Variants in PLEKHG1 observed in about 807,000 individuals in gnomAD.
PLEKHG1 encodes pleckstrin homology and RhoGEF domain containing G1, also known as pleckstrin homology domain-containing family G member 1.
Under a neutral mutation model 100.8 loss-of-function variants are expected in PLEKHG1, and 44 were observed. The ratio of observed to expected loss-of-function variants is 0.44; its 90% confidence interval spans 0.34 to 0.56. PLEKHG1 has a LOEUF of 0.56. Ranked by LOEUF, PLEKHG1 falls within the 20% of genes least tolerant of loss-of-function variation. The probability of loss-of-function intolerance (pLI) is 0.01; values close to 1 mark genes in which losing one functional copy is unlikely to be tolerated. For synonymous variants in PLEKHG1, 640 were observed against 662.5 expected (o/e 0.97, Z 0.52); for missense variants, 1,545 against 1,720.9 (o/e 0.90, Z 1.81).
intron 3 of PLEKHG1, among the ~76,000 whole-genome samples, chr6:150,652,504 C>G (rs1053430212): frequency 6.6e-6 from 1 of 151,888 alleles, no homozygotes; most frequent in East Asian, 1.9e-4. Context: ...GGGTGGATCA[C>G]GAGGTCAGGA....
At chr6:150,677,305 C>G (rs546267992) in intron 3 of PLEKHG1, among the ~76,000 whole-genome samples, 4 of 144,110 alleles carry the variant, frequency 2.8e-5, no homozygotes, top group Non-Finnish European at 6.0e-5. Flanking sequence ...CACACACACG[C>G]GCGCGCGCAC....
intron 6 of PLEKHG1, 55 bp downstream of exon 7, chr6:150,800,924 A>G (rs1443165108): frequency 8.8e-6 from 13 of 1,478,878 alleles, no homozygotes; most frequent in African/African-American, 1.4e-5. Context: ...TTGTGTGTAT[A>G]TATTAAGTTT....
intron 2 of PLEKHG1, among the ~76,000 whole-genome samples, chr6:150,766,651 T>A (rs1188491941): frequency 6.6e-6 from 1 of 152,228 alleles, no homozygotes; most frequent in Non-Finnish European, 1.5e-5. Flanking sequence ...TTCTCTGCCA[T>A]GGACTCTGAG....
At chr6:150,768,589 C>G (rs765292091) in intron 2 of PLEKHG1, 49 bp from the exon 4 acceptor site, 2 of 973,738 alleles carry the variant, frequency 2.1e-6, no homozygotes, top group Non-Finnish European at 3.3e-6. Flanking sequence ...TTAAAGATGA[C>G]TTGGAAAGGA....
chr6:150,622,057 G>A (rs1039062240), intron 1 of PLEKHG1, among the ~76,000 whole-genome samples: 2 of 152,028 alleles, frequency 1.3e-5, no homozygotes, highest in Non-Finnish European at 1.5e-5. Context: ...TTCCTCCTCC[G>A]AGAGCTCTGT....
At chr6:150,625,159 A>AT (rs1777459438) in intron 1 of PLEKHG1, among the ~76,000 whole-genome samples, 1 of 151,942 alleles carries the variant, frequency 6.6e-6, no homozygotes, top group Middle Eastern at 3.4e-3. Context: ...AAAAAAATGG[A>AT]TTTTTTAAAA....
chr6:150,800,903 G>C, intron 6 of PLEKHG1, 34 bp downstream of exon 7: 1 of 1,589,854 alleles, frequency 6.3e-7, no homozygotes, highest in Non-Finnish European at 8.6e-7. Context: ...ACTTTCCAGG[G>C]GATGGGAGTT....
intron 2 of PLEKHG1, among the ~76,000 whole-genome samples, chr6:150,748,501 A>G (rs1225390099): frequency 1.3e-5 from 2 of 151,954 alleles, no homozygotes; most frequent in Admixed American, 1.3e-4. Flanking sequence ...ATATTTGCTG[A>G]GTAAATTTTC....
At chr6:150,699,360 C>T (rs1183744407) in intron 3 of PLEKHG1, among the ~76,000 whole-genome samples, 1 of 152,224 alleles carries the variant, frequency 6.6e-6, no homozygotes, top group African/African-American at 2.4e-5. Flanking sequence ...TAAGTGACTG[C>T]CAAGCATTAA....
intron 3 of PLEKHG1, among the ~76,000 whole-genome samples, chr6:150,659,578 TG>T: frequency 1.3e-5 from 2 of 152,236 alleles, no homozygotes; most frequent in Non-Finnish European, 2.9e-5. Flanking sequence ...CTTGGCAGAC[TG>T]TCAAATGGAG....
chr6:150,666,069 G>A (rs1232142731), intron 3 of PLEKHG1, among the ~76,000 whole-genome samples: 1 of 152,116 alleles, frequency 6.6e-6, no homozygotes, highest in Non-Finnish European at 1.5e-5. Context: ...ACAATTTCCT[G>A]TTAAAAAACA....
chr6:150,630,497 GC>G (rs1478399401), intron 1 of PLEKHG1, among the ~76,000 whole-genome samples: 2 of 152,138 alleles, frequency 1.3e-5, no homozygotes, highest in Non-Finnish European at 1.5e-5. Context: ...AAGGGATGAA[GC>G]CAAGGATATT....
chr6:150,699,613 G>C (rs1464880163), intron 3 of PLEKHG1, among the ~76,000 whole-genome samples: 6 of 152,190 alleles, frequency 3.9e-5, no homozygotes, highest in Admixed American at 3.3e-4. Flanking sequence ...GATGTTCTAT[G>C]AGCCCTTAGT....
chr6:150,704,339 G>GTT (rs1780919797), intron 3 of PLEKHG1, among the ~76,000 whole-genome samples: 3 of 152,200 alleles, frequency 2.0e-5, no homozygotes, highest in Non-Finnish European at 4.4e-5. Context: ...AGCCCCCTCT[G>GTT]AACTCAGAGA....
chr6:150,733,708 C>T (rs761783554), exon 2 of PLEKHG1: 5 of 1,614,052 alleles, frequency 3.1e-6, no homozygotes, highest in African/African-American at 2.7e-5. Flanking sequence ...GTGACCGACC[C>T]GTCAGCTTCG....
At chr6:150,659,212 G>C (rs1227112117) in intron 3 of PLEKHG1, among the ~76,000 whole-genome samples, 2 of 152,192 alleles carry the variant, frequency 1.3e-5, no homozygotes, top group African/African-American at 4.8e-5. Context: ...TCTACTCAAA[G>C]TGCTGAGTTA....
At chr6:150,735,127 T>C (rs4869941) in intron 2 of PLEKHG1, among the ~76,000 whole-genome samples, 99,361 of 151,622 alleles carry the variant, frequency 0.66, 33,633 homozygotes, top group Non-Finnish European at 0.74. Context: ...GCTGGAATTA[T>C]AGGCATGCTC....
rs937915450 is a variant in PLEKHG1 at position 150,828,155 on chromosome 6, C to G, written c.1471-2427C>G. On this transcript the variant is annotated intron_variant, in intron 14 of 15. Transcript: ENST00000358517. ...CCAATTATACTGATAGGAATCTGCC[C>G]ACGATATTTGTTTACCTGGAAGGAG... The G allele has an allele frequency of 6.2e-6, 10 of 1,613,554 alleles. No homozygotes were observed. In the African/African-American group the frequency reaches 1.3e-4, roughly 22 times the overall value.
intron 2 of PLEKHG1, among the ~76,000 whole-genome samples, chr6:150,643,083 CAG>C (rs544749032): frequency 6.6e-6 from 1 of 152,162 alleles, no homozygotes; most frequent in South Asian, 2.1e-4. Context: ...GTATGAAAAA[CAG>C]AGAGACATAC....
Sources: allele counts gnomAD v4.1 joint callset (sites outside exome capture counted in the v4.1 genomes callset), GRCh38; gene constraint gnomAD v4.1.1; transcripts MANE v1.5; gene names NCBI Gene and HGNC (gene_info 2026-07-23, HGNC 2026-07-21).